ZC3H4: variants seen among roughly 807,000 people sequenced by gnomAD.
ZC3H4 encodes the protein zinc finger CCCH-type containing 4.
ZC3H4 carries 13 observed loss-of-function variants against 108.3 expected under a neutral mutation model. That is an observed-to-expected ratio of 0.12 (90% confidence interval 0.08 to 0.19). The LOEUF is 0.19. Ranked by LOEUF, ZC3H4 falls within the 10% of genes least tolerant of loss-of-function variation. The pLI, the probability that ZC3H4 is intolerant of heterozygous loss-of-function variation, is 1.00. For synonymous variants in ZC3H4, 917 were observed against 749.6 expected, an observed-to-expected ratio of 1.22 and a Z score of -3.65; for missense variants, 1,734 against 1,838.8, an observed-to-expected ratio of 0.94 and a Z score of 1.04.
At chr19:47,096,151 AGGGGAT>A (rs2057816865) in intron 2 of ZC3H4, among the ~76,000 whole-genome samples, 1 of 152,216 alleles carries the variant, frequency 6.6e-6, no homozygotes. Context: ...CCCAGTTCAA[AGGGGAT>A]GGGTTCTATT....
chr19:47,067,478 C>A lies in ZC3H4; in HGVS notation c.2790G>T (p.Arg930=). ...TGTTCACGGCCTTCTCCCGCAGGGC[C>A]CGCTCCCCTTCCTCCTCCTCCGTTG... ...PPPTEEEEGE[R]ALREKAVNIP... The change falls in exon 15 of 15, where the codon CGG becomes CGT. Residue 930 remains arginine, a synonymous_variant. Coordinates refer to ENST00000253048, the MANE Select transcript of ZC3H4 (RefSeq NM_015168.2). This position sits in a 1 kb window ranked among gnomAD's most constrained non-coding sequence, Gnocchi z 6.4. 6.3e-7 allele frequency: 1 copy of A among 1,581,636 alleles called. No individual in the cohort carries two copies. Among genetic ancestry groups the A allele is most frequent in the Non-Finnish European group, 8.6e-7 (1 of 1,162,306 alleles).
At chr19:47,109,766 G>A (rs765627863) in intron 2 of ZC3H4, among the ~76,000 whole-genome samples, 30 of 152,102 alleles carry the variant, frequency 2.0e-4, no homozygotes, top group Non-Finnish European at 2.8e-4. Flanking sequence ...AAAACAAAAC[G>A]GTTCTTTTGG....
At chr19:47,080,584 C>T (rs1437065137) in intron 11 of ZC3H4, among the ~76,000 whole-genome samples, 2 of 152,124 alleles carry the variant, frequency 1.3e-5, no homozygotes, top group African/African-American at 2.4e-5. Context: ...CAGCCTCAAT[C>T]TCCTGGACTC....
At chr19:47,084,560 G>A (rs2057582065) in intron 8 of ZC3H4, 105 bp from the exon 9 acceptor site, 1 of 1,076,608 alleles carries the variant, frequency 9.3e-7, no homozygotes, top group African/African-American at 1.6e-5. Context: ...GGTCCCTTCA[G>A]ATCTCACAAG....
chr19:47,091,988 C>G (rs1029466932), intron 4 of ZC3H4, among the ~76,000 whole-genome samples: 1 of 151,840 alleles, frequency 6.6e-6, no homozygotes, highest in East Asian at 1.9e-4. Context: ...GTGGGCAGAT[C>G]ATTTGACCCC....
rs1238762891 is a variant in ZC3H4 at position 47,086,543 on chromosome 19, A to G, written c.716-5T>C. On this transcript the variant is annotated splice_polypyrimidine_tract_variant and splice_region_variant and intron_variant, in intron 5 of 14. Coordinates refer to ENST00000253048, the MANE Select transcript of ZC3H4 (RefSeq NM_015168.2). ...CCCGGCCCCGGCCTCGGCTGCCTGC[A>G]TGGAGATTCAGATAGTGAGCCTCCA... is the stretch of plus-strand genomic sequence containing the variant. 3 of 1,580,474 alleles carry G rather than the reference A, an allele frequency of 1.9e-6. No homozygotes were observed. Among genetic ancestry groups the G allele is most frequent in the Non-Finnish European group, 2.6e-6 (3 of 1,171,498 alleles).
chr19:47,096,247 A>G (rs989121935), intron 2 of ZC3H4, among the ~76,000 whole-genome samples: 2 of 152,228 alleles, frequency 1.3e-5, no homozygotes, highest in Admixed American at 1.3e-4. Flanking sequence ...GCAGGACACA[A>G]AACTCTTTCT....
intron 11 of ZC3H4, among the ~76,000 whole-genome samples, chr19:47,079,232 T>C (rs1207106980): frequency 6.6e-6 from 1 of 151,512 alleles, no homozygotes; most frequent in Non-Finnish European, 1.5e-5. Flanking sequence ...TTTCTCCATG[T>C]TGGTCAGGCT....
chr19:47,094,550 C>G lies in ZC3H4; in HGVS notation c.220G>C (p.Asp74His), dbSNP rs777778643. ...CTTCTCTCAGGCCCTCCGGAGGTAT[C>G]CTGGGTCTCCTCTGCCCCATCATCT... Reference protein sequence around the residue: ...LEDDGAEETQDTSGGPERSRK... With the variant: ...LEDDGAEETQHTSGGPERSRK... The change falls in exon 3 of 15, where the codon GAT becomes CAT. Residue 74 changes from aspartate to histidine, a missense_variant. Physicochemically the swap from Asp to His is moderately conservative, Grantham distance 81 (BLOSUM62 -1). Coordinates refer to ENST00000253048, the MANE Select transcript of ZC3H4 (RefSeq NM_015168.2). 1 of 1,614,206 alleles carries G rather than the reference C, an allele frequency of 6.2e-7. No individual in the cohort carries two copies. Among genetic ancestry groups the G allele is most frequent in the Admixed American group, 1.7e-5 (1 of 60,026 alleles).
chr19:47,097,435 G>A lies in ZC3H4; in HGVS notation c.162-2827C>T, dbSNP rs745455015. Among the ~76,000 whole-genome samples the A allele has an allele frequency of 2.6e-5, 4 of 152,214 alleles. No individual in the cohort carries two copies. The South Asian group carries it at 8.3e-4, about 31-fold the overall frequency. ...GCCCTCAAGCCCCTCCGAGCCCTGG[G>A]CTAACTTCTGTCCACAGTCACCTCA... On this transcript the variant is annotated intron_variant, in intron 2 of 14. Coordinates refer to ENST00000253048, the MANE Select transcript of ZC3H4 (RefSeq NM_015168.2).
At chr19:47,071,596 T>C (rs183784018) in intron 13 of ZC3H4, among the ~76,000 whole-genome samples, 182 bp downstream of exon 13, 3 of 152,014 alleles carry the variant, frequency 2.0e-5, no homozygotes, top group African/African-American at 7.3e-5. Flanking sequence ...CACAGAATAC[T>C]CCTTTCTTCT....
chr19:47,067,005 G>A lies in ZC3H4; in HGVS notation c.3263C>T (p.Ser1088Phe), dbSNP rs575608102. 1 of 1,592,736 alleles carries A rather than the reference G, an allele frequency of 6.3e-7. No individual in the cohort carries two copies. Among genetic ancestry groups the A allele is most frequent in the African/African-American group, 1.3e-5 (1 of 74,512 alleles). Residue 1088 changes from serine to phenylalanine, a missense_variant, in exon 15 of 15, where the codon TCT becomes TTT. Ser to Phe is a radical substitution (Grantham distance 155). Coordinates refer to ENST00000253048, the MANE Select transcript of ZC3H4 (RefSeq NM_015168.2). The surrounding 1 kb of genome is among the most constrained non-coding windows in gnomAD (Gnocchi z 6.4). ...TDPRLQKPTDSTASSRAAKPG... is the reference protein window; with the variant it reads ...TDPRLQKPTDFTASSRAAKPG... ...CTTGGCAGCCCGGGAGGAGGCCGTAGAGTCTGTGGGTTTCTGCAGCCGAGG... is the reference window on the plus strand; with the variant it reads ...CTTGGCAGCCCGGGAGGAGGCCGTAAAGTCTGTGGGTTTCTGCAGCCGAGG...
At chr19:47,108,199 G>C (rs189261974) in intron 2 of ZC3H4, among the ~76,000 whole-genome samples, 1 of 152,034 alleles carries the variant, frequency 6.6e-6, no homozygotes, top group African/African-American at 2.4e-5. Flanking sequence ...GCTCAATTCA[G>C]CTACTTTGCT....
intron 2 of ZC3H4, among the ~76,000 whole-genome samples, chr19:47,099,690 T>C (rs531049127): frequency 6.6e-6 from 1 of 152,036 alleles, no homozygotes; most frequent in Admixed American, 6.6e-5. Context: ...TAGGGAGAGC[T>C]GAGCCCCGGG....
chr19:47,084,513 T>C, intron 8 of ZC3H4, 58 bp from the exon 9 acceptor site: 2 of 1,573,204 alleles, frequency 1.3e-6, no homozygotes, highest in Non-Finnish European at 1.7e-6. Flanking sequence ...AGAGATGGGA[T>C]CGGGGTTAAT....
intron 13 of ZC3H4, among the ~76,000 whole-genome samples, chr19:47,070,340 T>G (rs1374830986): frequency 6.6e-6 from 1 of 152,180 alleles, no homozygotes; most frequent in Non-Finnish European, 1.5e-5. Context: ...GCCTGCTCTA[T>G]GACACATCCC....
At chr19:47,071,533 C>T (rs452374) in intron 13 of ZC3H4, among the ~76,000 whole-genome samples, 3 of 152,124 alleles carry the variant, frequency 2.0e-5, no homozygotes, top group African/African-American at 4.8e-5. Context: ...CCCATGCTTC[C>T]GATTCCAGGC....
At chr19:47,092,134 G>A (rs946284856) in intron 4 of ZC3H4, among the ~76,000 whole-genome samples, 11 of 152,148 alleles carry the variant, frequency 7.2e-5, no homozygotes, top group Admixed American at 2.6e-4. Context: ...AGCCCAGGGA[G>A]CTCGAGGCTG....
At chr19:47,094,256 G>T in intron 3 of ZC3H4, 133 bp downstream of exon 3, 1 of 1,166,780 alleles carries the variant, frequency 8.6e-7, no homozygotes, top group Non-Finnish European at 1.2e-6. Flanking sequence ...TTTTAAAAAA[G>T]GTCTTTATCC....
Sources: gnomAD v4.1 joint callset for allele counts (sites outside exome capture counted in the v4.1 genomes callset) on GRCh38, gnomAD v4.1.1 for gene constraint, Gnocchi (gnomAD v3.1) non-coding constraint, MANE v1.5 for transcripts, NCBI Gene and HGNC (gene_info 2026-07-23, HGNC 2026-07-21) for gene names.